The following HTR4 variants were observed in gnomAD, a reference collection of about 807,000 sequenced individuals.
HTR4 encodes 5-hydroxytryptamine (serotonin) receptor 4, G protein-coupled.
In HTR4, 16 loss-of-function variants were observed where a neutral mutation model predicts 36.8. The ratio of observed to expected loss-of-function variants is 0.43; its 90% CI spans 0.29 to 0.66. The LOEUF is 0.66. Ranked by LOEUF, HTR4 falls within the 30% of genes least tolerant of loss-of-function variation. The pLI is 0.13. For missense variants in HTR4, 438 were observed against 490.9 expected, an observed-to-expected ratio of 0.89 and a Z score of 1.02; for synonymous variants, 189 against 185.1, an observed-to-expected ratio of 1.02 and a Z score of -0.17.
At chr5:148,552,411 C>T (rs1422637) in intron 2 of HTR4, among the ~76,000 whole-genome samples, 2,181 of 152,256 alleles carry the variant, frequency 0.014, 61 homozygotes, top group African/African-American at 0.05. Context: ...GCTGATGTGG[C>T]CACCAAAAAT....
At chr5:148,535,994 G>A (rs1398057904) in intron 4 of HTR4, among the ~76,000 whole-genome samples, 2 of 151,428 alleles carry the variant, frequency 1.3e-5, no homozygotes, top group African/African-American at 4.9e-5. Context: ...GAGAGAGAGA[G>A]GAGGTCACCT....
intron 2 of HTR4, among the ~76,000 whole-genome samples, chr5:148,551,995 A>G (rs562087239): frequency 8.1e-4 from 123 of 152,248 alleles, no homozygotes; most frequent in African/African-American, 2.8e-3. Context: ...CACCACTGAG[A>G]ACACACAGTT....
intron 6 of HTR4, among the ~76,000 whole-genome samples, chr5:148,504,596 G>C (rs548550959): frequency 1.1e-4 from 16 of 152,218 alleles, no homozygotes; most frequent in Admixed American, 1.0e-3. Flanking sequence ...AGAGCAGCAA[G>C]AGCAAACACA....
chr5:148,455,945 G>A (rs553173358), intron 5 of HTR4, among the ~76,000 whole-genome samples: 8 of 152,182 alleles, frequency 5.3e-5, no homozygotes, highest in African/African-American at 1.7e-4. Flanking sequence ...TGAAGAGGGG[G>A]GTTGGTCTTC....
intron 2 of HTR4, among the ~76,000 whole-genome samples, chr5:148,612,917 C>T (rs933200160): frequency 1.3e-4 from 20 of 150,728 alleles, no homozygotes; most frequent in Admixed American, 2.6e-4. Context: ...CGCAAATAAA[C>T]GAGAAAATCT....
chr5:148,638,638 T>A (rs13182501), intron 1 of HTR4, among the ~76,000 whole-genome samples: 10 of 151,860 alleles, frequency 6.6e-5, no homozygotes, highest in Non-Finnish European at 8.8e-5. Context: ...CACAAAAACC[T>A]GCTCTTCCCC....
chr5:148,644,422 G>GTTTTTTTTTTTTTTTTTTTT (rs1175588280), intron 1 of HTR4, among the ~76,000 whole-genome samples: 1 of 40,618 alleles, frequency 2.5e-5, no homozygotes, highest in Non-Finnish European at 4.2e-5. Context: ...AAGCTCACAA[G>GTTTTTTTTTTTTTTTTTTTT]TTTTTTTTTT....
At chr5:148,614,140 C>G (rs1336902144) in intron 2 of HTR4, among the ~76,000 whole-genome samples, 1 of 152,190 alleles carries the variant, frequency 6.6e-6, no homozygotes, top group Non-Finnish European at 1.5e-5. Context: ...CCATCCCCAT[C>G]AAGCTACCAA....
chr5:148,498,958 A>C (rs901008295), intron 6 of HTR4, among the ~76,000 whole-genome samples: 5 of 152,186 alleles, frequency 3.3e-5, no homozygotes, highest in Non-Finnish European at 5.9e-5. Flanking sequence ...TATGAACAAA[A>C]TGGTAGAGTT....
chr5:148,653,484 G>A (rs772232223), intron 1 of HTR4, among the ~76,000 whole-genome samples: 7 of 152,146 alleles, frequency 4.6e-5, no homozygotes, highest in African/African-American at 7.2e-5. Flanking sequence ...CTGCAGGATG[G>A]TTGCGAGTAC....
intron 5 of HTR4, chr5:148,451,320 A>G (rs1183814065): frequency 1.9e-6 from 3 of 1,611,970 alleles, no homozygotes; most frequent in Non-Finnish European, 1.7e-6. Flanking sequence ...GCATGCTCCA[A>G]CTGCACCGAA....
chr5:148,463,326 C>G (rs1755335157), intron 5 of HTR4, among the ~76,000 whole-genome samples: 1 of 151,154 alleles, frequency 6.6e-6, no homozygotes, highest in African/African-American at 2.4e-5. Flanking sequence ...GCATGCACCA[C>G]CATGCCCAGC....
intron 5 of HTR4, among the ~76,000 whole-genome samples, chr5:148,463,680 C>T (rs1407974900): frequency 6.6e-6 from 1 of 150,988 alleles, no homozygotes; most frequent in Non-Finnish European, 1.5e-5. Context: ...CATTTCCAAT[C>T]AAAATCTCAG....
intron 2 of HTR4, among the ~76,000 whole-genome samples, chr5:148,620,275 C>T (rs1406008898): frequency 6.6e-6 from 1 of 152,160 alleles, no homozygotes; most frequent in Non-Finnish European, 1.5e-5. Context: ...TAATGGCAGC[C>T]TTAAACATTG....
chr5:148,476,116 G>A (rs1318541699), downstream of HTR4, among the ~76,000 whole-genome samples: 3 of 152,204 alleles, frequency 2.0e-5, no homozygotes, highest in South Asian at 4.1e-4. Context: ...GACATTTTAT[G>A]ACATCTTTCA....
intron 2 of HTR4, among the ~76,000 whole-genome samples, chr5:148,572,316 T>C (rs1760709622): frequency 6.6e-6 from 1 of 152,098 alleles, no homozygotes; most frequent in Admixed American, 6.6e-5. Context: ...GTTATAGATA[T>C]TATGACTATA....
chr5:148,473,838 C>CT (rs138734442), downstream of HTR4, among the ~76,000 whole-genome samples: 174 of 151,976 alleles, frequency 1.1e-3, no homozygotes, highest in Non-Finnish European at 2.1e-3. Flanking sequence ...CAATCCATGT[C>CT]TTTTTTTTCC....
At chr5:148,600,414 G>T (rs1041751669) in intron 2 of HTR4, among the ~76,000 whole-genome samples, 4 of 149,388 alleles carry the variant, frequency 2.7e-5, no homozygotes, top group Non-Finnish European at 4.4e-5. Flanking sequence ...TCTTAACTAG[G>T]CTTATTTCAA....
At chr5:148,642,085 G>C (rs2127312510) in intron 1 of HTR4, among the ~76,000 whole-genome samples, 1 of 152,278 alleles carries the variant, frequency 6.6e-6, no homozygotes, top group Non-Finnish European at 1.5e-5. Context: ...TGCTTGGATT[G>C]ACCGTGTTTC....
Sources: gnomAD v4.1 joint callset for allele counts (sites outside exome capture counted in the v4.1 genomes callset) on GRCh38, gnomAD v4.1.1 for gene constraint, MANE v1.5 for transcripts, NCBI Gene and HGNC (gene_info 2026-07-23, HGNC 2026-07-21) for gene names.